The following XPO1 variants were observed in gnomAD, a reference collection of about 807,000 sequenced individuals.
XPO1 encodes exportin 1.
In XPO1, 5 loss-of-function variants were observed where a neutral mutation model predicts 133.3. The observed-to-expected ratio is 0.04, with a 90% confidence interval of 0.02 to 0.08. The LOEUF (loss-of-function observed/expected upper bound fraction) is 0.08, where lower values mean the gene tolerates loss of function less well. Among genes scored for constraint, XPO1 ranks in the 10% least tolerant of loss-of-function variants. The probability of loss-of-function intolerance (pLI) is 1.00; values close to 1 mark genes in which losing one functional copy is unlikely to be tolerated. For synonymous variants in XPO1, 419 were observed against 408.2 expected, an observed-to-expected ratio of 1.03 and a Z score of -0.32; for missense variants, 506 against 1,267.5, an observed-to-expected ratio of 0.40 and a Z score of 9.12.
At chr2:61,530,839 A>T (rs1342797547) in intron 2 of XPO1, among the ~76,000 whole-genome samples, 2 of 152,156 alleles carry the variant, frequency 1.3e-5, no homozygotes, top group African/African-American at 4.8e-5. Flanking sequence ...AGCAAAAAAA[A>T]AATTTTTTTA....
intron 19 of XPO1, among the ~76,000 whole-genome samples, chr2:61,487,531 TAAA>T (rs943815957): frequency 3.5e-5 from 5 of 143,512 alleles, no homozygotes; most frequent in African/African-American, 5.1e-5. Flanking sequence ...AGCACACTTG[TAAA>T]AAAAAAAACC....
At chr2:61,488,097 G>A (rs939888635) in intron 19 of XPO1, 68 bp downstream of exon 19, 2 of 1,349,946 alleles carry the variant, frequency 1.5e-6, no homozygotes, top group African/African-American at 2.9e-5. Context: ...GCACATAATA[G>A]AGTATAGCAT....
intron 24 of XPO1, among the ~76,000 whole-genome samples, chr2:61,479,171 C>T (rs1027607082): frequency 3.9e-5 from 6 of 152,082 alleles, no homozygotes; most frequent in African/African-American, 2.4e-5. Context: ...GGGAAGATTA[C>T]AAAAGAATCA....
chr2:61,493,959 G>A lies in XPO1; in HGVS notation c.1180C>T (p.Leu394Phe). The change falls in exon 12 of 25, where the codon CTT (leucine) becomes TTT (phenylalanine). Residue 394 changes from leucine (L) to phenylalanine (F), a missense_variant. By Grantham distance (22) the Leu-to-Phe change is conservative (BLOSUM62 0). This residue lies in a region of XPO1 where 134 missense variants were observed against 261.6 expected (regional missense o/e 0.51). Coordinates refer to ENST00000401558, the MANE Select transcript of XPO1 (RefSeq NM_003400.4). ...ACATCAAAATGTTGACTTCCAGAAA[G>A]CAACGGAGAGGCAGATGTAGAGAAT... ...SPFSTSASPL[L>F]SGSQHFDVPP... 1 of 1,614,102 alleles carries A rather than the reference G, an allele frequency of 6.2e-7. No individual in the cohort carries two copies. Among genetic ancestry groups the A allele is most frequent in the Non-Finnish European group, 8.5e-7 (1 of 1,180,002 alleles).
At chr2:61,510,937 C>CAAAAAAAAAAAAAAA (rs1163597698) in intron 4 of XPO1, among the ~76,000 whole-genome samples, 1 of 61,242 alleles carries the variant, frequency 1.6e-5, no homozygotes, top group South Asian at 5.1e-4. Context: ...GACCTTATCT[C>CAAAAAAAAAAAAAAA]AAAAAAAAAA....
intron 4 of XPO1, among the ~76,000 whole-genome samples, chr2:61,516,829 T>C (rs1022771406): frequency 2.0e-5 from 3 of 152,216 alleles, no homozygotes; most frequent in African/African-American, 7.2e-5. Flanking sequence ...TAGCATCATC[T>C]TTCCCCCCAA....
At chr2:61,522,762 A>G in intron 3 of XPO1, 79 bp from the exon 4 acceptor site, 3 of 1,000,036 alleles carry the variant, frequency 3.0e-6, no homozygotes, top group Non-Finnish European at 4.7e-6. Flanking sequence ...ATGGACAGAC[A>G]TTCACACATT....
intron 3 of XPO1, chr2:61,525,980 A>C (rs1698891772): frequency 9.4e-7 from 1 of 1,058,694 alleles, no homozygotes; most frequent in East Asian, 5.2e-5. Flanking sequence ...CATTGTAAAT[A>C]AAAACTGAGT....
At chr2:61,537,297 G>A (rs1398663725) in intron 1 of XPO1, among the ~76,000 whole-genome samples, 1 of 151,168 alleles carries the variant, frequency 6.6e-6, no homozygotes, top group African/African-American at 2.4e-5. Flanking sequence ...CACACTCCTC[G>A]CCTTCCTCCA....
At position 61,499,733 on chromosome 2, in the gene XPO1, T is replaced by C; in HGVS notation, c.570A>G (p.Lys190=). ...DFSSGQITQV[K]SKHLKDSMCN... is the part of the protein sequence containing the mutation. ...CTTGCCTGTCTTTTAAATGCTTAGA[T>C]TTGACTTGGGTTATCTGTCCACTAG... The change falls in exon 7 of 25, where the codon AAA becomes AAG. Residue 190 remains lysine (K), a synonymous_variant. Transcript: ENST00000401558. The C allele has an allele frequency of 6.3e-7, 1 of 1,582,810 alleles. No individual in the cohort carries two copies. The highest frequency in any genetic ancestry group is 1.2e-5 in the South Asian group (1 of 84,832).
At position 61,494,212 on chromosome 2, in the gene XPO1, T is replaced by G; in HGVS notation, c.1048-121A>C. 5 of 901,696 alleles carry G rather than the reference T, an allele frequency of 5.5e-6. No individual in the cohort carries two copies. The Admixed American group carries it at 1.4e-4, about 26-fold the overall frequency. 55.9% of individuals were successfully genotyped at this position (901,696 alleles called of 1,614,324 possible). ...ATGTTTTATTCATCACAACTCAGAT[T>G]TCAATACTTATCAAATAGACAGCAA... is the stretch of plus-strand genomic sequence containing the variant. On this transcript the variant is annotated intron_variant, in intron 11 of 24. Transcript: ENST00000401558.
intron 9 of XPO1, 122 bp from the exon 10 acceptor site, chr2:61,497,129 G>A: frequency 8.0e-7 from 1 of 1,249,068 alleles, no homozygotes; most frequent in Non-Finnish European, 1.1e-6. Flanking sequence ...TCAAAAACAG[G>A]CCAAGTGAAT....
chr2:61,510,046 G>A (rs373874657), intron 4 of XPO1, among the ~76,000 whole-genome samples: 5 of 152,092 alleles, frequency 3.3e-5, no homozygotes, highest in Admixed American at 6.5e-5. Flanking sequence ...GTGGGAGGCC[G>A]AGGTGGGTGG....
intron 6 of XPO1, among the ~76,000 whole-genome samples, chr2:61,501,058 T>C (rs925163571): frequency 3.3e-5 from 5 of 152,164 alleles, no homozygotes; most frequent in Non-Finnish European, 7.3e-5. Context: ...ATTTTTCAGA[T>C]TATAAAAATA....
At position 61,497,144 on chromosome 2, in the gene XPO1, A is replaced by G. The variant is rs528742248; in HGVS notation, c.760-137T>C. 2.0e-4 allele frequency: 222 copies of G among 1,120,966 alleles called. 1 individual carries two copies. The highest frequency in any genetic ancestry group is 2.4e-4 in the Non-Finnish European group (199 of 818,858). 69.4% of individuals were successfully genotyped at this position (1,120,966 alleles called of 1,614,324 possible). A position where few individuals can be genotyped will look rare whatever the true frequency, so the allele number is the denominator to read the frequency against. On this transcript the variant is annotated intron_variant, in intron 9 of 24. Coordinates refer to ENST00000401558, the MANE Select transcript of XPO1 (RefSeq NM_003400.4). ...TCAAAAACAGGCCAAGTGAATGAAC[A>G]TATTTTATCATGCAGATATACTGAG...
At chr2:61,502,137 T>C in intron 5 of XPO1, 97 bp from the exon 6 acceptor site, 1 of 1,490,030 alleles carries the variant, frequency 6.7e-7, no homozygotes. Flanking sequence ...CTACTGTAAA[T>C]GACTGACTGT....
At chr2:61,514,959 C>A (rs1313428578) in intron 4 of XPO1, among the ~76,000 whole-genome samples, 1 of 151,194 alleles carries the variant, frequency 6.6e-6, no homozygotes, top group Non-Finnish European at 1.5e-5. Flanking sequence ...ATCCCACCTA[C>A]TTGGGAGGCT....
rs544654079 is a variant in XPO1, at chr2:61,482,270, T to G, written c.2972+110A>C. The G allele has an allele frequency of 8.3e-6, 9 of 1,078,894 alleles. No homozygotes were observed. The Admixed American group carries it at 1.1e-4, about 13-fold the overall frequency. 66.8% of individuals were successfully genotyped at this position (1,078,894 alleles called of 1,614,324 possible). A position where few individuals can be genotyped will look rare whatever the true frequency, so the allele number is the denominator to read the frequency against. On this transcript the variant is annotated intron_variant, in intron 23 of 24. Coordinates refer to ENST00000401558, the MANE Select transcript of XPO1 (RefSeq NM_003400.4). ...TGTTGTCTAGGTTGGTCTCCAACTT[T>G]TGGGCCCAAGCAATCCTCCCACCTT...
chr2:61,530,766 T>C (rs965538984), intron 2 of XPO1, among the ~76,000 whole-genome samples: 1 of 151,864 alleles, frequency 6.6e-6, no homozygotes, highest in African/African-American at 2.4e-5. Context: ...TTTTTCCCAG[T>C]TGACTTTAAA....
Sources: gnomAD v4.1 joint callset for allele counts (sites outside exome capture counted in the v4.1 genomes callset) on GRCh38, gnomAD v4.1.1 for gene constraint, gnomAD v4.1.1 regional missense constraint, MANE v1.5 for transcripts, NCBI Gene and HGNC (gene_info 2026-07-23, HGNC 2026-07-21) for gene names.